CCDC90B: variants seen among roughly 807,000 people sequenced by gnomAD.
CCDC90B encodes the protein coiled-coil domain containing 90B, also known as coiled-coil domain-containing protein 90B, mitochondrial.
In CCDC90B, 24 loss-of-function variants were observed where a neutral mutation model predicts 37.0. That is an observed-to-expected ratio of 0.65 (90% confidence interval 0.47 to 0.91). The LOEUF (loss-of-function observed/expected upper bound fraction) is 0.91, where lower values mean the gene tolerates loss of function less well. Among genes scored for constraint, CCDC90B ranks in the 40% least tolerant of loss-of-function variants. The probability of loss-of-function intolerance (pLI) is 0.00; values close to 1 mark genes in which losing one functional copy is unlikely to be tolerated. For missense variants in CCDC90B, 319 were observed against 299.0 expected (o/e 1.07, Z -0.49); for synonymous variants, 113 against 101.1 (o/e 1.12, Z -0.71).
intron 3 of CCDC90B, among the ~76,000 whole-genome samples, chr11:83,276,520 T>C (rs999557801): frequency 1.3e-5 from 2 of 152,190 alleles, no homozygotes; most frequent in African/African-American, 4.8e-5. Flanking sequence ...GCTAATTTTT[T>C]TGTATTTTTA....
In CCDC90B at chr11:83,273,666, G is replaced by T; in HGVS notation, c.575C>A (p.Thr192Asn). 6.2e-7 allele frequency: 1 copy of T among 1,603,006 alleles called. No individual in the cohort carries two copies. Among genetic ancestry groups the T allele is most frequent in the Non-Finnish European group, 8.5e-7 (1 of 1,175,916 alleles). The change falls in exon 7 of 9, where the codon ACT (threonine) becomes AAT (asparagine). Residue 192 changes from threonine (T) to asparagine (N), a missense_variant. Thr to Asn is a moderately conservative substitution (Grantham distance 65). Coordinates refer to ENST00000529689, the MANE Select transcript of CCDC90B (RefSeq NM_021825.5). ...TDQEKQLMET[T>N]TEFTKKDTQT... ...CTTTACCTTTTTTGTAAATTCTGTA[G>T]TTGTTTCCATAAGTTGCTTTTCTTG...
intron 7 of CCDC90B, 76 bp from the exon 8 acceptor site, chr11:83,266,055 C>A: frequency 1.3e-6 from 1 of 745,694 alleles, no homozygotes; most frequent in Non-Finnish European, 2.3e-6. Flanking sequence ...CATTATAAAC[C>A]CTCACTTATG....
chr11:83,283,640 G>A (rs1284951900), intron 1 of CCDC90B, among the ~76,000 whole-genome samples: 1 of 152,188 alleles, frequency 6.6e-6, no homozygotes, highest in Non-Finnish European at 1.5e-5. Context: ...TGTGTCATGG[G>A]CAGTTCAGTG....
intron 7 of CCDC90B, 53 bp downstream of exon 7, chr11:83,273,594 T>G (rs1330387178): frequency 2.9e-6 from 4 of 1,358,182 alleles, no homozygotes. Flanking sequence ...ATAAAAGCAG[T>G]TATACAAGGC....
chr11:83,285,844 G>C, intron 1 of CCDC90B, 29 bp downstream of exon 1: 2 of 1,597,494 alleles, frequency 1.3e-6, no homozygotes, highest in Non-Finnish European at 1.7e-6. Flanking sequence ...AGAGCACTCA[G>C]GCATCTATGA....
Position 83,261,790 on chromosome 11 carries a change from C to A in CCDC90B, c.*121G>T. Reference sequence around the variant, plus strand: ...TTCTAAAACACTTCCTCTTTTAGTCCGTATACACTTCGAATAATCTTGTGT... The same window carrying A: ...TTCTAAAACACTTCCTCTTTTAGTCAGTATACACTTCGAATAATCTTGTGT... On this transcript the variant is annotated 3_prime_UTR_variant, in exon 9 of 9. Transcript: ENST00000529689. 1 of 677,914 alleles carries A rather than the reference C, an allele frequency of 1.5e-6. No individual in the cohort carries two copies. Among genetic ancestry groups the A allele is most frequent in the South Asian group, 1.9e-5 (1 of 51,288 alleles). The allele number at this position is 677,914 out of a possible 1,614,324, so 42.0% of individuals were successfully genotyped here. A position where few individuals can be genotyped will look rare whatever the true frequency, so the allele number is the denominator to read the frequency against.
intron 1 of CCDC90B, among the ~76,000 whole-genome samples, chr11:83,282,338 A>G (rs1865436142): frequency 6.6e-6 from 1 of 152,218 alleles, no homozygotes; most frequent in African/African-American, 2.4e-5. Context: ...TTTTTGCACC[A>G]TGGTAAAGTC....
chr11:83,285,143 A>C, intron 1 of CCDC90B: 5 of 1,265,964 alleles, frequency 3.9e-6, no homozygotes, highest in Non-Finnish European at 5.1e-6. Flanking sequence ...CTGAAGATTC[A>C]AGAAGGTGAA....
intron 8 of CCDC90B, among the ~76,000 whole-genome samples, chr11:83,262,408 T>C (rs1416183691): frequency 2.0e-5 from 3 of 152,134 alleles, no homozygotes; most frequent in Non-Finnish European, 4.4e-5. Flanking sequence ...CTCATAATTC[T>C]TAATAAAATT....
Position 83,265,876 on chromosome 11 carries a change from C to T in CCDC90B, c.698G>A (p.Arg233His), listed in dbSNP as rs779039037. ...TCTGACAGTCTTACCTGCAAGATAA[C>T]GAATTGTCTCAAGTTTGTTAGATTC... is the stretch of plus-strand genomic sequence containing the variant. Reference protein sequence around the residue: ...LMESNKLETIRYLAASVFTCL... With the variant: ...LMESNKLETIHYLAASVFTCL... Residue 233 changes from arginine (R) to histidine (H), a missense_variant, in exon 8 of 9, where the codon CGT becomes CAT. Transcript: ENST00000529689. The T allele has an allele frequency of 3.4e-5, 54 of 1,600,182 alleles. No homozygotes were observed. Among genetic ancestry groups the T allele is most frequent in the Non-Finnish European group, 4.2e-5 (49 of 1,170,456 alleles).
chr11:83,265,829 T>G, intron 8 of CCDC90B, 36 bp downstream of exon 8: 2 of 1,347,248 alleles, frequency 1.5e-6, no homozygotes, highest in Non-Finnish European at 2.1e-6. Flanking sequence ...AACAGGAAAA[T>G]TAGATGACAG....
At chr11:83,278,012 A>G (rs571541064) in intron 3 of CCDC90B, among the ~76,000 whole-genome samples, 1 of 152,342 alleles carries the variant, frequency 6.6e-6, no homozygotes, top group African/African-American at 2.4e-5. Flanking sequence ...CATGACTGAC[A>G]GAAATGAATT....
intron 3 of CCDC90B, among the ~76,000 whole-genome samples, chr11:83,276,646 G>A (rs374296342): frequency 4.8e-4 from 73 of 152,256 alleles, no homozygotes; most frequent in African/African-American, 1.6e-3. Flanking sequence ...CACCACACCA[G>A]CCTTAATGTG....
At chr11:83,276,864 A>G (rs1865063916) in intron 3 of CCDC90B, among the ~76,000 whole-genome samples, 1 of 152,210 alleles carries the variant, frequency 6.6e-6, no homozygotes, top group Non-Finnish European at 1.5e-5. Context: ...CAATATAATC[A>G]AATTTTCAGA....
At chr11:83,270,937 T>A (rs1382280340) in intron 7 of CCDC90B, among the ~76,000 whole-genome samples, 1 of 152,020 alleles carries the variant, frequency 6.6e-6, no homozygotes, top group Non-Finnish European at 1.5e-5. Context: ...TACAGACCAA[T>A]GGAACAGAAC....
Position 83,261,223 on chromosome 11 carries a change from T to C in CCDC90B, c.*688A>G, listed in dbSNP as rs1020604899. The C allele has an allele frequency of 1.3e-5, 2 of 152,078 alleles. No individual in the cohort carries two copies. Among genetic ancestry groups the C allele is most frequent in the African/African-American group, 4.8e-5 (2 of 41,392 alleles). 9.4% of individuals were successfully genotyped at this position (152,078 alleles called of 1,614,324 possible). A position where few individuals can be genotyped will look rare whatever the true frequency, so the allele number is the denominator to read the frequency against. On this transcript the variant is annotated 3_prime_UTR_variant, in exon 9 of 9. Transcript: ENST00000529689. The stretch of plus-strand genomic sequence containing the variant: ...CTGGAATTACAGGCATGTGCCACCA[T>C]GCCTGGCTAATTTTTGTATTTTTAG...
At chr11:83,269,817 A>G (rs1238340931) in intron 7 of CCDC90B, among the ~76,000 whole-genome samples, 2 of 152,218 alleles carry the variant, frequency 1.3e-5, no homozygotes, top group Non-Finnish European at 2.9e-5. Flanking sequence ...TGAGGCCAAC[A>G]TCATCCTGAT....
At chr11:83,282,239 C>T (rs1045994192) in intron 1 of CCDC90B, among the ~76,000 whole-genome samples, 4 of 152,230 alleles carry the variant, frequency 2.6e-5, no homozygotes, top group Non-Finnish European at 4.4e-5. Flanking sequence ...CGGCTTGCTG[C>T]CCCTGCCCAG....
intron 7 of CCDC90B, chr11:83,267,213 G>A (rs998025618): frequency 5.3e-5 from 8 of 152,344 alleles, no homozygotes; most frequent in Admixed American, 1.3e-4. Flanking sequence ...CTCCTCCAGA[G>A]GATTGCAGCT....
Sources: allele counts gnomAD v4.1 joint callset (sites outside exome capture counted in the v4.1 genomes callset), GRCh38; gene constraint gnomAD v4.1.1; transcripts MANE v1.5; gene names NCBI Gene and HGNC (gene_info 2026-07-23, HGNC 2026-07-21).